Variants in KLHDC1 observed in about 807,000 individuals in gnomAD.
KLHDC1 encodes kelch domain containing 1, also known as kelch domain-containing protein 1.
Under a neutral mutation model 68.3 loss-of-function variants are expected in KLHDC1, and 53 were observed. That is an observed-to-expected ratio of 0.78 (90% confidence interval 0.62 to 0.98). The LOEUF is 0.98. Ranked by LOEUF, KLHDC1 falls within the 50% of genes least tolerant of loss-of-function variation. The probability of loss-of-function intolerance (pLI) is 0.00; values close to 1 mark genes in which losing one functional copy is unlikely to be tolerated. For synonymous variants in KLHDC1, 148 were observed against 159.0 expected, an observed-to-expected ratio of 0.93 and a Z score of 0.52; for missense variants, 470 against 492.3, an observed-to-expected ratio of 0.95 and a Z score of 0.43.
chr14:49,696,402 T>A (rs1887743644), intron 1 of KLHDC1, among the ~76,000 whole-genome samples: 1 of 152,154 alleles, frequency 6.6e-6, no homozygotes, highest in African/African-American at 2.4e-5. Flanking sequence ...CAGGCCGATC[T>A]CGAACTGACC....
chr14:49,726,494 C>T (rs576452601), intron 6 of KLHDC1, among the ~76,000 whole-genome samples: 90 of 152,310 alleles, frequency 5.9e-4, no homozygotes, highest in African/African-American at 2.0e-3. Flanking sequence ...GTGCCATCGT[C>T]ATTCTTTACC....
intron 9 of KLHDC1, 56 bp from the exon 10 acceptor site, chr14:49,734,533 T>C: frequency 9.9e-7 from 1 of 1,006,702 alleles, no homozygotes; most frequent in South Asian, 1.7e-5. Context: ...GGGGGGAAAA[T>C]TAAAATTGTA....
chr14:49,718,413 C>T (rs1180135029), intron 4 of KLHDC1, among the ~76,000 whole-genome samples: 1 of 151,372 alleles, frequency 6.6e-6, no homozygotes. Flanking sequence ...CCCAAGCAGC[C>T]GGGACTACAG....
rs1473156947 is a variant in KLHDC1, at chr14:49,729,031, G to A, written c.651+22G>A. On this transcript the variant is annotated intron_variant, in intron 7 of 12. Transcript: ENST00000359332. ...TCTGGTTAGTGTTTTTAATGGAAAT[G>A]GTATTTTTATGTGCAATGCTCCTTA... 4.6e-6 allele frequency: 7 copies of A among 1,535,812 alleles called. No homozygotes were observed. In the Admixed American group the frequency reaches 1.2e-4, roughly 26 times the overall value.
chr14:49,705,450 C>T (rs1022295622), intron 1 of KLHDC1, among the ~76,000 whole-genome samples: 4 of 121,624 alleles, frequency 3.3e-5, no homozygotes, highest in African/African-American at 1.2e-4. Context: ...GTTACTGCAA[C>T]CTCCGCCTCC....
intron 4 of KLHDC1, among the ~76,000 whole-genome samples, chr14:49,712,772 G>A (rs568177554): frequency 5.1e-4 from 78 of 152,088 alleles, no homozygotes; most frequent in African/African-American, 1.8e-3. Flanking sequence ...CAAAGTGCTG[G>A]GATTACAGGC....
chr14:49,700,475 T>C (rs1887872766), intron 1 of KLHDC1, among the ~76,000 whole-genome samples: 1 of 152,104 alleles, frequency 6.6e-6, no homozygotes, highest in Non-Finnish European at 1.5e-5. Flanking sequence ...TCCTAGCTAC[T>C]TGGGAGACTG....
intron 10 of KLHDC1, among the ~76,000 whole-genome samples, chr14:49,737,755 C>T (rs1168901867): frequency 6.7e-6 from 1 of 148,858 alleles, no homozygotes; most frequent in East Asian, 2.0e-4. Flanking sequence ...GTTCTAGCTA[C>T]TCAGGAGGCT....
intron 6 of KLHDC1, among the ~76,000 whole-genome samples, chr14:49,727,011 G>A (rs989705136): frequency 6.6e-6 from 1 of 152,154 alleles, no homozygotes; most frequent in South Asian, 2.1e-4. Flanking sequence ...TTGGGAGGCC[G>A]AGGCAGGCAG....
rs1476048075 is a variant in KLHDC1, at chr14:49,693,259, G to A, written c.65G>A (p.Gly22Glu). ...ERSGHCAVVD[G>E]NFLYVWGGYV... ...AGCGGCCACTGCGCCGTGGTGGACG[G>A]AAACTTCCTCTACGTGTGGGGGGGC... The change falls in exon 1 of 13, where the codon GGA (glycine) becomes GAA (glutamate). Residue 22 changes from glycine (G) to glutamate (E), a missense_variant. Physicochemically the swap from Gly to Glu is moderately conservative, Grantham distance 98 (BLOSUM62 -2). Coordinates refer to ENST00000359332, the MANE Select transcript of KLHDC1 (RefSeq NM_172193.3). 1 of 1,567,902 alleles carries A rather than the reference G, an allele frequency of 6.4e-7. No homozygotes were observed. The highest frequency in any genetic ancestry group is 2.6e-5 in the East Asian group (1 of 38,650).
chr14:49,750,110 T>C (rs1392808997), intron 12 of KLHDC1, among the ~76,000 whole-genome samples: 1 of 152,134 alleles, frequency 6.6e-6, no homozygotes, highest in Non-Finnish European at 1.5e-5. Context: ...TATGGAAAAC[T>C]GATGTATCAC....
intron 8 of KLHDC1, among the ~76,000 whole-genome samples, chr14:49,730,760 G>A (rs537234271): frequency 6.6e-6 from 1 of 152,128 alleles, no homozygotes; most frequent in Admixed American, 6.5e-5. Flanking sequence ...ATCACCTGAG[G>A]TCAGGAGTTT....
intron 10 of KLHDC1, among the ~76,000 whole-genome samples, chr14:49,739,491 G>A (rs545364146): frequency 1.3e-5 from 2 of 152,304 alleles, no homozygotes; most frequent in South Asian, 4.1e-4. Flanking sequence ...ATATTATGGT[G>A]TTCTGTACTC....
chr14:49,705,365 CTTTT>C (rs59444333), intron 1 of KLHDC1, among the ~76,000 whole-genome samples: 5 of 71,664 alleles, frequency 7.0e-5, no homozygotes, highest in African/African-American at 2.7e-4. Context: ...TTCTTTCTTT[CTTTT>C]TTTTTTTTTT....
intron 1 of KLHDC1, 101 bp from the exon 2 acceptor site, chr14:49,709,058 G>T: frequency 3.4e-6 from 2 of 585,220 alleles, no homozygotes; most frequent in South Asian, 2.2e-5. Flanking sequence ...CTTCTTTTGT[G>T]TTTTATAGTA....
At chr14:49,707,951 C>T (rs548983483) in intron 1 of KLHDC1, among the ~76,000 whole-genome samples, 5 of 151,322 alleles carry the variant, frequency 3.3e-5, no homozygotes, top group South Asian at 4.2e-4. Flanking sequence ...CCACTACACC[C>T]GGCCTATTTT....
At chr14:49,712,627 G>A (rs1476368463) in intron 4 of KLHDC1, among the ~76,000 whole-genome samples, 1 of 151,042 alleles carries the variant, frequency 6.6e-6, no homozygotes, top group African/African-American at 2.4e-5. Flanking sequence ...TCAGCCTCCC[G>A]AGTAGCTGGG....
chr14:49,695,345 C>T (rs1887710219), intron 1 of KLHDC1, among the ~76,000 whole-genome samples: 1 of 152,062 alleles, frequency 6.6e-6, no homozygotes, highest in East Asian at 1.9e-4. Flanking sequence ...CAAAATGATT[C>T]CTTGATCCAT....
At chr14:49,705,600 A>C (rs1888031167) in intron 1 of KLHDC1, among the ~76,000 whole-genome samples, 2 of 151,394 alleles carry the variant, frequency 1.3e-5, no homozygotes, top group Non-Finnish European at 1.5e-5. Context: ...CGAACTCCTG[A>C]CCTTGTGATC....
Sources: allele counts gnomAD v4.1 joint callset (sites outside exome capture counted in the v4.1 genomes callset), GRCh38; gene constraint gnomAD v4.1.1; transcripts MANE v1.5; gene names NCBI Gene and HGNC (gene_info 2026-07-23, HGNC 2026-07-21).